Variants in RBFOX1 observed in about 807,000 individuals in gnomAD.
RBFOX1 encodes RNA binding protein fox-1 homolog 1.
In RBFOX1, 8 loss-of-function variants were observed where a neutral mutation model predicts 57.7. That is an observed-to-expected ratio of 0.14 (90% confidence interval 0.08 to 0.25). RBFOX1 has a LOEUF of 0.25. Ranked by LOEUF, RBFOX1 falls within the 10% of genes least tolerant of loss-of-function variation. The probability of loss-of-function intolerance (pLI) is 1.00; values close to 1 mark genes in which losing one functional copy is unlikely to be tolerated. For synonymous variants in RBFOX1, 326 were observed against 222.4 expected (o/e 1.47, Z -4.15); for missense variants, 611 against 548.5 (o/e 1.11, Z -1.14).
intron 2 of RBFOX1, among the ~76,000 whole-genome samples, chr16:6,327,792 G>C (rs868251123): frequency 6.6e-6 from 1 of 152,260 alleles, no homozygotes; most frequent in Middle Eastern, 3.4e-3. Flanking sequence ...CTTCTTGACC[G>C]ATCTGAGATG....
intron 2 of RBFOX1, among the ~76,000 whole-genome samples, chr16:5,544,334 AG>A (rs1391893707): frequency 2.0e-5 from 3 of 152,202 alleles, no homozygotes; most frequent in Non-Finnish European, 2.9e-5. Context: ...TCATGCATGG[AG>A]AAAGGGGTTA....
chr16:5,637,491 C>CAAA (rs1596538771), intron 3 of RBFOX1, among the ~76,000 whole-genome samples: 2 of 152,192 alleles, frequency 1.3e-5, no homozygotes, highest in East Asian at 3.8e-4. Context: ...GTGGGCTTAG[C>CAAA]AAGCTAATGT....
intron 4 of RBFOX1, among the ~76,000 whole-genome samples, chr16:7,133,523 G>C (rs1420883460): frequency 6.6e-6 from 1 of 152,098 alleles, no homozygotes; most frequent in African/African-American, 2.4e-5. Context: ...GAGAATCAAT[G>C]ACAAGACAAG....
intron 3 of RBFOX1, among the ~76,000 whole-genome samples, chr16:5,766,878 CTGTT>C (rs2053800254): frequency 6.6e-6 from 1 of 152,224 alleles, no homozygotes; most frequent in African/African-American, 2.4e-5. Context: ...TGAGGAGTCA[CTGTT>C]TGCAAAGTCC....
intron 4 of RBFOX1, among the ~76,000 whole-genome samples, chr16:7,277,153 G>C (rs1278083212): frequency 6.6e-6 from 1 of 152,136 alleles, no homozygotes; most frequent in Non-Finnish European, 1.5e-5. Context: ...ACATTAAAAA[G>C]TTGGATTTCT....
At chr16:5,698,062 T>A (rs1403555329) in intron 3 of RBFOX1, among the ~76,000 whole-genome samples, 1 of 152,224 alleles carries the variant, frequency 6.6e-6, no homozygotes, top group Non-Finnish European at 1.5e-5. Context: ...TTTGAATCGT[T>A]ATTGGATTTT....
chr16:7,197,609 A>T (rs941342602), intron 4 of RBFOX1, among the ~76,000 whole-genome samples: 1 of 152,190 alleles, frequency 6.6e-6, no homozygotes, highest in Non-Finnish European at 1.5e-5. Flanking sequence ...AAGTACTCAA[A>T]CAAAAATGTG....
chr16:5,253,646 G>C (rs941710576), intron 1 of RBFOX1, among the ~76,000 whole-genome samples: 6 of 152,198 alleles, frequency 3.9e-5, no homozygotes, highest in African/African-American at 1.4e-4. Flanking sequence ...GTGCTTTTAG[G>C]AGATAGTTTC....
chr16:5,984,813 C>T (rs1035204514), intron 4 of RBFOX1, among the ~76,000 whole-genome samples: 4 of 151,640 alleles, frequency 2.6e-5, no homozygotes, highest in African/African-American at 7.3e-5. Context: ...ACTTATATGG[C>T]GTTTTTCTGT....
intron 3 of RBFOX1, among the ~76,000 whole-genome samples, chr16:6,989,780 A>G (rs2091094242): frequency 6.6e-6 from 1 of 152,122 alleles, no homozygotes; most frequent in South Asian, 2.1e-4. Context: ...CAGGTGGATC[A>G]CCTGAGGTCA....
At chr16:5,874,155 T>C (rs1280589415) in intron 4 of RBFOX1, among the ~76,000 whole-genome samples, 5 of 152,194 alleles carry the variant, frequency 3.3e-5, no homozygotes, top group Admixed American at 3.3e-4. Context: ...CCATCATTAG[T>C]GTCCTTAACA....
intron 3 of RBFOX1, among the ~76,000 whole-genome samples, chr16:6,903,047 C>G (rs2068864218): frequency 1.3e-5 from 2 of 152,094 alleles, no homozygotes; most frequent in Admixed American, 1.3e-4. Flanking sequence ...TGAAGTGAAA[C>G]AAGGTTTTGT....
chr16:7,651,591 A>G (rs1163332140), intron 11 of RBFOX1, among the ~76,000 whole-genome samples: 1 of 152,224 alleles, frequency 6.6e-6, no homozygotes, highest in Non-Finnish European at 1.5e-5. Context: ...CATAAGGTGG[A>G]ACGCTTCTAC....
intron 3 of RBFOX1, among the ~76,000 whole-genome samples, chr16:6,987,889 C>T (rs17141953): frequency 0.036 from 5,454 of 152,136 alleles, 309 homozygotes; most frequent in African/African-American, 0.12. Flanking sequence ...TATCCCTATT[C>T]GGGTCAGAAA....
intron 2 of RBFOX1, among the ~76,000 whole-genome samples, chr16:5,593,622 G>C (rs1180166405): frequency 4.6e-5 from 7 of 152,200 alleles, no homozygotes; most frequent in Admixed American, 2.6e-4. Context: ...CGTCATGACA[G>C]ATTACAAATG....
At position 6,904,366 on chromosome 16, in the gene RBFOX1, C is replaced by G. The variant is rs560874878; in HGVS notation, c.-15-147691C>G. Among the ~76,000 whole-genome samples the G allele has an allele frequency of 3.3e-5, 5 of 151,782 alleles. No homozygotes were observed. In the South Asian group the frequency reaches 1.0e-3, roughly 32 times the overall value. ...CTGTAATCCCAGCACCTTGGAAGGC[C>G]CAGGTGGGAGGATAAGTTGAGGTCA... is the stretch of plus-strand genomic sequence containing the variant. On this transcript the variant is annotated intron_variant, in intron 3 of 15. Coordinates refer to ENST00000550418, the MANE Select transcript of RBFOX1 (RefSeq NM_018723.4).
At chr16:6,136,828 G>C (rs1298094085) in intron 1 of RBFOX1, among the ~76,000 whole-genome samples, 3 of 152,140 alleles carry the variant, frequency 2.0e-5, no homozygotes, top group African/African-American at 7.2e-5. Context: ...TTATTTTGCT[G>C]TGAAACCCTT....
In RBFOX1 at chr16:6,349,252, A is replaced by G. The variant is rs114436798; in HGVS notation, c.-64+32195A>G. Among the ~76,000 whole-genome samples, 360 of 152,322 alleles carry G rather than the reference A, an allele frequency of 2.4e-3. 3 individuals are homozygous for G. Among genetic ancestry groups the G allele is most frequent in the African/African-American group, 8.3e-3 (346 of 41,582 alleles). On this transcript the variant is annotated intron_variant, in intron 2 of 15. Transcript: ENST00000550418. ...CTCAAAGCAGATAAAACTTTCTGTTATCCCTTACCTAGCCGACGACTTGAG... is the reference window on the plus strand; with the variant it reads ...CTCAAAGCAGATAAAACTTTCTGTTGTCCCTTACCTAGCCGACGACTTGAG...
At chr16:7,654,041 C>A (rs2065730573) in intron 12 of RBFOX1, 94 bp downstream of exon 12, 4 of 1,305,552 alleles carry the variant, frequency 3.1e-6, no homozygotes, top group Non-Finnish European at 4.0e-6. Context: ...GGTCTTGACT[C>A]CCCCTCCGCC....
Sources: allele counts gnomAD v4.1 joint callset (sites outside exome capture counted in the v4.1 genomes callset), GRCh38; gene constraint gnomAD v4.1.1; transcripts MANE v1.5; gene names NCBI Gene and HGNC (gene_info 2026-07-23, HGNC 2026-07-21).